The following CHRDL1 variants were observed in gnomAD, a reference collection of about 807,000 sequenced individuals.
CHRDL1 encodes chordin-like protein 1.
CHRDL1 carries 19 observed loss-of-function variants against 40.9 expected under a neutral mutation model. That is an observed-to-expected ratio of 0.46 (90% CI 0.32 to 0.68). CHRDL1 has a LOEUF of 0.68. Among genes scored for constraint, CHRDL1 ranks in the 30% least tolerant of loss-of-function variants. The pLI, the probability that CHRDL1 is intolerant of heterozygous loss-of-function variation, is 0.03. For missense variants in CHRDL1, 329 were observed against 352.1 expected (o/e 0.93, Z 0.53); for synonymous variants, 136 against 123.4 (o/e 1.10, Z -0.68).
intron 5 of CHRDL1, among the ~76,000 whole-genome samples, chrX:110,720,214 C>T (rs1463136240): frequency 2.7e-5 from 3 of 111,524 alleles, no homozygotes; most frequent in Non-Finnish European, 5.6e-5. Flanking sequence ...GCCTCTGAAC[C>T]ATGAATTATA....
chrX:110,786,728 C>A (rs1190289166), intron 2 of CHRDL1, among the ~76,000 whole-genome samples: 1 of 112,284 alleles, frequency 8.9e-6, no homozygotes, highest in Non-Finnish European at 1.9e-5. Flanking sequence ...GACATAGACG[C>A]ACATACTTTT....
intron 4 of CHRDL1, among the ~76,000 whole-genome samples, chrX:110,729,560 A>G (rs2071121365): frequency 8.9e-6 from 1 of 111,905 alleles, no homozygotes; most frequent in African/African-American, 3.3e-5. Flanking sequence ...AATGTTTTAA[A>G]ACAGGGTCCT....
At chrX:110,710,632 A>T (rs1027702195) in intron 6 of CHRDL1, among the ~76,000 whole-genome samples, 4 of 109,582 alleles carry the variant, frequency 3.7e-5, no homozygotes, top group Admixed American at 1.0e-4. Flanking sequence ...AAGAAGGAAC[A>T]TGATGACCTT....
At chrX:110,787,707 A>G (rs1021802510) in intron 2 of CHRDL1, among the ~76,000 whole-genome samples, 15 of 112,216 alleles carry the variant, frequency 1.3e-4, no homozygotes, top group African/African-American at 4.2e-4. Flanking sequence ...GCCCACTTTT[A>G]GCCAAATCTG....
intron 4 of CHRDL1, among the ~76,000 whole-genome samples, chrX:110,759,211 T>C (rs184130761): frequency 4.8e-4 from 54 of 112,333 alleles, no homozygotes; most frequent in Non-Finnish European, 8.8e-4. Flanking sequence ...AGCTTTATAC[T>C]GTCATAAACC....
chrX:110,698,588 G>C (rs1378153479), intron 7 of CHRDL1, among the ~76,000 whole-genome samples: 2 of 112,007 alleles, frequency 1.8e-5, no homozygotes, highest in Non-Finnish European at 3.8e-5. Context: ...GAACTCCTTT[G>C]AAAATCAATA....
chrX:110,690,461 TGCCTCAAGTGGATGTG>T (rs1569462823), intron 8 of CHRDL1, among the ~76,000 whole-genome samples: 1 of 110,644 alleles, frequency 9.0e-6, no homozygotes, highest in African/African-American at 3.3e-5. Flanking sequence ...AAAATTTGTA[TGCCTCAAGTGGATGTG>T]CTTCCAGGCA....
At chrX:110,779,508 T>C (rs2089906780) in intron 2 of CHRDL1, among the ~76,000 whole-genome samples, 1 of 111,838 alleles carries the variant, frequency 8.9e-6, no homozygotes, top group Non-Finnish European at 1.9e-5. Context: ...CAGTTGATGA[T>C]GTTTATTTGG....
At chrX:110,696,988 G>C (rs984950388) in intron 7 of CHRDL1, among the ~76,000 whole-genome samples, 1 of 111,242 alleles carries the variant, frequency 9.0e-6, no homozygotes, top group African/African-American at 3.3e-5. Context: ...TTGTAACTCA[G>C]AGCAAAGGAG....
In CHRDL1 at chrX:110,721,433, C is replaced by G. The variant is rs200543418; in HGVS notation, c.399G>C (p.Gly133=). The change falls in exon 5 of 12, where the codon GGG becomes GGC. Residue 133 remains glycine (G), a synonymous_variant. Coordinates refer to ENST00000372042, the MANE Select transcript of CHRDL1 (RefSeq NM_001143981.2). The part of the protein sequence containing the change: ...YQHGELFVAE[G]LFQNRQPNQC... ...GATTGGGTTGCCGATTCTGAAAGAG[C>G]CCTTCAGCTACGAACAGCTCTCCAT... is the stretch of plus-strand genomic sequence containing the variant. 3 of 1,207,978 alleles carry G rather than the reference C, an allele frequency of 2.5e-6. No homozygotes were observed. In the African/African-American group the frequency reaches 5.2e-5, roughly 21 times the overall value.
At chrX:110,747,023 C>T (rs1430958351) in intron 4 of CHRDL1, among the ~76,000 whole-genome samples, 2 of 109,830 alleles carry the variant, frequency 1.8e-5, no homozygotes, top group Non-Finnish European at 3.8e-5. Context: ...AGAGCGAGGC[C>T]CCATCTCTTT....
At chrX:110,724,516 C>G (rs1453337540) in intron 4 of CHRDL1, among the ~76,000 whole-genome samples, 6 of 108,690 alleles carry the variant, frequency 5.5e-5, no homozygotes, top group Non-Finnish European at 1.1e-4. Flanking sequence ...TTATTTCATT[C>G]TTGCAACACC....
intron 1 of CHRDL1, among the ~76,000 whole-genome samples, chrX:110,794,811 G>A (rs907873458): frequency 8.9e-6 from 1 of 112,176 alleles, no homozygotes; most frequent in Non-Finnish European, 1.9e-5. Flanking sequence ...AGGCTTGACT[G>A]ACCTTGTAAT....
intron 2 of CHRDL1, among the ~76,000 whole-genome samples, chrX:110,769,122 A>C: frequency 8.9e-6 from 1 of 112,221 alleles, no homozygotes; most frequent in Admixed American, 9.5e-5. Context: ...TCTATTCATC[A>C]CATGGCCTAG....
chrX:110,795,202 G>A (rs2090161377), intron 1 of CHRDL1, among the ~76,000 whole-genome samples: 1 of 111,503 alleles, frequency 9.0e-6, no homozygotes, highest in African/African-American at 3.3e-5. Flanking sequence ...TGGAAAGCAG[G>A]CTTTCCGGGC....
At chrX:110,689,959 C>T (rs59656518) in intron 8 of CHRDL1, among the ~76,000 whole-genome samples, 4 of 13,486 alleles carry the variant, frequency 3.0e-4, no homozygotes, top group African/African-American at 9.7e-4. Context: ...CTATATATAT[C>T]TATATATCTA....
intron 6 of CHRDL1, among the ~76,000 whole-genome samples, chrX:110,703,742 A>G (rs1011284473): frequency 8.9e-6 from 1 of 112,227 alleles, no homozygotes; most frequent in African/African-American, 3.2e-5. Context: ...AAGCTTCCTG[A>G]AAGAACCATT....
At chrX:110,691,199 G>A (rs994769310) in intron 8 of CHRDL1, among the ~76,000 whole-genome samples, 1 of 105,726 alleles carries the variant, frequency 9.5e-6, no homozygotes, top group African/African-American at 3.5e-5. Flanking sequence ...GGGTGACAGA[G>A]TGAGACCCTG....
In CHRDL1 at chrX:110,785,393, A is replaced by G. The variant is rs181459648; in HGVS notation, c.94+6695T>C. ...GTATATATGGACATACATTTTGGAA[A>G]AACAGACACAGGAGATGTGGAAAGG... On this transcript the variant is annotated intron_variant, in intron 2 of 11. Transcript: ENST00000372042. Among the ~76,000 whole-genome samples, 3 of 112,015 alleles carry G rather than the reference A, an allele frequency of 2.7e-5. No individual in the cohort carries two copies. In the East Asian group the frequency reaches 8.4e-4, roughly 31 times the overall value.
Sources: gnomAD v4.1 joint callset for allele counts (sites outside exome capture counted in the v4.1 genomes callset) on GRCh38, gnomAD v4.1.1 for gene constraint, MANE v1.5 for transcripts, NCBI Gene and HGNC (gene_info 2026-07-23, HGNC 2026-07-21) for gene names.